The following HEXB variants were observed in gnomAD, a reference collection of about 807,000 sequenced individuals.
HEXB encodes the protein beta-hexosaminidase subunit beta.
A neutral mutation model predicts 71.2 loss-of-function variants in HEXB; 51 were observed. That is an observed-to-expected ratio of 0.72 (90% CI 0.57 to 0.90). The LOEUF is 0.90. Ranked by LOEUF, HEXB falls within the 40% of genes least tolerant of loss-of-function variation. HEXB has a pLI of 0.00. For missense variants in HEXB, 617 were observed against 677.0 expected, an observed-to-expected ratio of 0.91 and a Z score of 0.98; for synonymous variants, 266 against 249.3, an observed-to-expected ratio of 1.07 and a Z score of -0.63.
In HEXB at chr5:74,718,853, C is replaced by CT; in HGVS notation, c.1299_1300insT (p.Ser434Ter). 6.2e-7 allele frequency: 1 copy of CT among 1,614,110 alleles called. No homozygotes were observed. The highest frequency in any genetic ancestry group is 8.5e-7 in the Non-Finnish European group (1 of 1,179,990). On this transcript the variant is annotated frameshift_variant, in exon 11 of 14. Coordinates refer to ENST00000261416, the MANE Select transcript of HEXB (RefSeq NM_000521.4). LOFTEE classifies it high-confidence loss of function. Reference sequence around the variant, plus strand: ...AAGACAGCGCATATCCTGAGGAACTCAGTAGAGTCACAGCATCTGGCTTCC... The same window carrying CT: ...AAGACAGCGCATATCCTGAGGAACTCTAGTAGAGTCACAGCATCTGGCTTCC...
At chr5:74,676,831 A>G (rs191719455) in intron 1 of HEXB, among the ~76,000 whole-genome samples, 12 of 152,320 alleles carry the variant, frequency 7.9e-5, no homozygotes, top group African/African-American at 2.6e-4. Context: ...CAGAATTTAC[A>G]TTAAAATAAC....
chr5:74,644,562 A>G (rs1298268359), intron 1 of HEXB, among the ~76,000 whole-genome samples: 1 of 152,152 alleles, frequency 6.6e-6, no homozygotes, highest in Admixed American at 6.5e-5. Flanking sequence ...GAATAAGGAA[A>G]AACACAGGTA....
chr5:74,656,781 A>T (rs112310655), intron 1 of HEXB, among the ~76,000 whole-genome samples: 52,037 of 151,754 alleles, frequency 0.34, 11,020 homozygotes, highest in African/African-American at 0.58. Context: ...CCAGCTAATT[A>T]TTGTATTTTT....
At chr5:74,695,879 T>G (rs1162309405) in intron 3 of HEXB, among the ~76,000 whole-genome samples, 2 of 151,456 alleles carry the variant, frequency 1.3e-5, no homozygotes, top group African/African-American at 4.8e-5. Flanking sequence ...CTTGCGAGTA[T>G]GCAGTGACTA....
intron 1 of HEXB, among the ~76,000 whole-genome samples, chr5:74,674,619 A>AAAAG (rs1554033722): frequency 2.0e-5 from 3 of 151,506 alleles, no homozygotes; most frequent in African/African-American, 7.3e-5. Context: ...AAAAAAAAAA[A>AAAAG]AAGAAGAAGA....
intron 5 of HEXB, among the ~76,000 whole-genome samples, chr5:74,702,325 G>A (rs139864278): frequency 0.14 from 20,484 of 151,588 alleles, 1,514 homozygotes; most frequent in Middle Eastern, 0.19. Context: ...TGATCCGCCC[G>A]CCTCGGCCTC....
intron 1 of HEXB, among the ~76,000 whole-genome samples, chr5:74,687,011 A>C (rs1298862801): frequency 1.3e-5 from 2 of 152,252 alleles, no homozygotes; most frequent in African/African-American, 4.8e-5. Context: ...ATAGGTAGAT[A>C]ACCAGGACTT....
At chr5:74,650,586 C>A (rs1164606567) in intron 1 of HEXB, among the ~76,000 whole-genome samples, 16 of 152,058 alleles carry the variant, frequency 1.1e-4, no homozygotes, top group Non-Finnish European at 1.5e-5. Context: ...GAGTGTGCCT[C>A]CATGTGTAGT....
chr5:74,664,488 T>C (rs991646357), intron 1 of HEXB, among the ~76,000 whole-genome samples: 7 of 148,412 alleles, frequency 4.7e-5, no homozygotes, highest in African/African-American at 1.7e-4. Flanking sequence ...GATGGCGCTG[T>C]TAACCATTTA....
chr5:74,713,715 G>A, intron 7 of HEXB, 80 bp downstream of exon 7: 9 of 1,183,750 alleles, frequency 7.6e-6, no homozygotes, highest in Non-Finnish European at 1.1e-5. Context: ...CCAGGCTGGA[G>A]TGCAGTAGTA....
chr5:74,689,339 A>G lies in HEXB; in HGVS notation c.311A>G (p.Tyr104Cys), dbSNP rs762209256. Reference protein sequence around the residue: ...LEEAFRRYHGYIFGFYKWHHE... With the variant: ...LEEAFRRYHGCIFGFYKWHHE... ...TATTTCTCAAACAGATATCATGGCT[A>G]TATTTTTGGTTTCTACAAGTGGCAT... Residue 104 changes from tyrosine (Y) to cysteine (C), a missense_variant, in exon 2 of 14, where the codon TAT (tyrosine) becomes TGT (cysteine). Transcript: ENST00000261416. 31 of 1,612,950 alleles carry G rather than the reference A, an allele frequency of 1.9e-5. No homozygotes were observed. In the East Asian group the frequency reaches 2.7e-4, roughly 14 times the overall value.
intron 5 of HEXB, among the ~76,000 whole-genome samples, chr5:74,699,058 G>A (rs757874261): frequency 6.6e-6 from 1 of 151,894 alleles, no homozygotes; most frequent in Non-Finnish European, 1.5e-5. Flanking sequence ...GGTGGTGCAC[G>A]CCTGTAATTC....
chr5:74,677,094 C>G (rs2112110388), intron 1 of HEXB, among the ~76,000 whole-genome samples: 1 of 152,060 alleles, frequency 6.6e-6, no homozygotes, highest in Non-Finnish European at 1.5e-5. Context: ...AACATGTTGG[C>G]CAGGATGGTC....
chr5:74,654,258 G>A (rs1372291409), intron 1 of HEXB, among the ~76,000 whole-genome samples: 1 of 152,132 alleles, frequency 6.6e-6, no homozygotes, highest in Non-Finnish European at 1.5e-5. Context: ...CGAATCACTT[G>A]GGGAACTTGT....
At chr5:74,687,062 A>G (rs192199978) in intron 1 of HEXB, among the ~76,000 whole-genome samples, 16 of 152,326 alleles carry the variant, frequency 1.1e-4, no homozygotes, top group Admixed American at 1.0e-3. Flanking sequence ...TTGGTATTTC[A>G]AGGCATGTGC....
chr5:74,663,213 G>A (rs750177690), intron 1 of HEXB, among the ~76,000 whole-genome samples: 6 of 151,050 alleles, frequency 4.0e-5, no homozygotes, highest in Non-Finnish European at 7.4e-5. Context: ...GTGCGGTGGC[G>A]GAGTTTCGCT....
At chr5:74,720,965 T>C (rs1347677387) in intron 13 of HEXB, 153 bp from the exon 14 acceptor site, 1 of 803,574 alleles carries the variant, frequency 1.2e-6, no homozygotes, top group Non-Finnish European at 2.1e-6. Context: ...CCATCTTGAG[T>C]TGCTTTAATT....
chr5:74,699,194 A>G (rs1749190836), intron 5 of HEXB, among the ~76,000 whole-genome samples: 1 of 152,080 alleles, frequency 6.6e-6, no homozygotes, highest in Non-Finnish European at 1.5e-5. Context: ...AAAACAAACA[A>G]ACAAAATGAA....
At chr5:74,640,043 C>G (rs1014654259) in exon 1 of HEXB, 1 of 152,234 alleles carries the variant, frequency 6.6e-6, no homozygotes, top group Non-Finnish European at 1.5e-5. Context: ...CTCGGCTCCT[C>G]GCTTCCCCAG....
Sources: allele counts gnomAD v4.1 joint callset (sites outside exome capture counted in the v4.1 genomes callset), GRCh38; gene constraint gnomAD v4.1.1; transcripts MANE v1.5; gene names NCBI Gene and HGNC (gene_info 2026-07-23, HGNC 2026-07-21).